The following CNTNAP2 variants were observed in gnomAD, a reference collection of about 807,000 sequenced individuals.
CNTNAP2 encodes the protein contactin-associated protein-like 2.
A neutral mutation model predicts 155.2 loss-of-function variants in CNTNAP2; 98 were observed. That is an observed-to-expected ratio of 0.63 (90% CI 0.54 to 0.75). The LOEUF (loss-of-function observed/expected upper bound fraction) is 0.75, where lower values mean the gene tolerates loss of function less well. Among genes scored for constraint, CNTNAP2 ranks in the 30% least tolerant of loss-of-function variants. The probability of loss-of-function intolerance (pLI) is 0.00; values close to 1 mark genes in which losing one functional copy is unlikely to be tolerated. For missense variants in CNTNAP2, 1,727 were observed against 1,688.1 expected (o/e 1.02, Z -0.40); for synonymous variants, 651 against 631.2 (o/e 1.03, Z -0.47).
chr7:147,207,527 A>C (rs1052617067), intron 8 of CNTNAP2, among the ~76,000 whole-genome samples: 1 of 152,170 alleles, frequency 6.6e-6, no homozygotes, highest in Non-Finnish European at 1.5e-5. Flanking sequence ...ACTTTATAGT[A>C]AAACTAAAGA....
chr7:147,470,786 A>G (rs1249597420), intron 10 of CNTNAP2, among the ~76,000 whole-genome samples: 1 of 152,090 alleles, frequency 6.6e-6, no homozygotes, highest in East Asian at 1.9e-4. Flanking sequence ...CTAACTGCAG[A>G]TGAGGTGGGG....
chr7:146,277,496 A>G (rs1195106756), intron 1 of CNTNAP2, among the ~76,000 whole-genome samples: 1 of 152,156 alleles, frequency 6.6e-6, no homozygotes, highest in African/African-American at 2.4e-5. Flanking sequence ...GACACATAGA[A>G]TTGGATCATA....
rs572235299 is a variant in CNTNAP2 at position 146,626,297 on chromosome 7, T to C, written c.98-147974T>C. ...TTAAGGCATTCAGTTGCTTAATTAA[T>C]GGTATTGAATTTTAAAAAATCTATT... is the stretch of plus-strand genomic sequence containing the variant. On this transcript the variant is annotated intron_variant, in intron 1 of 23. Transcript: ENST00000361727. Among the ~76,000 whole-genome samples, 201 of 152,274 alleles carry C rather than the reference T, an allele frequency of 1.3e-3. 1 individual carries two copies. The highest frequency in any genetic ancestry group is 1.3e-3 in the Non-Finnish European group (87 of 68,000).
chr7:147,677,070 AT>A (rs35432022), intron 13 of CNTNAP2, among the ~76,000 whole-genome samples: 127,891 of 148,110 alleles, frequency 0.86, 55,474 homozygotes, highest in East Asian at 0.99. Flanking sequence ...TGTTTCATTA[AT>A]TTTTTTTTTT....
intron 13 of CNTNAP2, among the ~76,000 whole-genome samples, chr7:147,662,319 A>C (rs961078189): frequency 6.6e-6 from 1 of 152,234 alleles, no homozygotes; most frequent in Admixed American, 6.5e-5. Flanking sequence ...GGAATCATTT[A>C]GACTATGATG....
chr7:147,444,279 T>G (rs935429299), intron 10 of CNTNAP2, among the ~76,000 whole-genome samples: 1 of 152,168 alleles, frequency 6.6e-6, no homozygotes, highest in Non-Finnish European at 1.5e-5. Context: ...CGTGGCAATT[T>G]GAGAACACAA....
chr7:148,158,222 C>CTATTTTTTTTT (rs1805441345), intron 17 of CNTNAP2, among the ~76,000 whole-genome samples: 2 of 94,800 alleles, frequency 2.1e-5, no homozygotes, highest in Non-Finnish European at 3.8e-5. Context: ...AATGTTTGCG[C>CTATTTTTTTTT]TTTTTTTTTT....
At chr7:147,302,441 C>T (rs562328260) in intron 9 of CNTNAP2, among the ~76,000 whole-genome samples, 1 of 152,166 alleles carries the variant, frequency 6.6e-6, no homozygotes, top group Non-Finnish European at 1.5e-5. Flanking sequence ...GCCCAGGAGT[C>T]AGGAGAATAT....
At chr7:147,751,782 A>T (rs1797139589) in intron 13 of CNTNAP2, among the ~76,000 whole-genome samples, 1 of 152,260 alleles carries the variant, frequency 6.6e-6, no homozygotes, top group Admixed American at 6.5e-5. Context: ...TACTACAAAA[A>T]TACTAAGAAA....
At chr7:147,219,000 G>A (rs1476269244) in intron 8 of CNTNAP2, among the ~76,000 whole-genome samples, 3 of 152,156 alleles carry the variant, frequency 2.0e-5, no homozygotes, top group East Asian at 3.9e-4. Context: ...AAACAGAAAT[G>A]TATTGGCTCA....
At chr7:146,219,119 AAT>A (rs1186949567) in intron 1 of CNTNAP2, among the ~76,000 whole-genome samples, 1 of 152,112 alleles carries the variant, frequency 6.6e-6, no homozygotes, top group Non-Finnish European at 1.5e-5. Context: ...GTTCAGGGGA[AAT>A]TGCCATTTAT....
At chr7:147,298,804 A>G (rs997849262) in intron 8 of CNTNAP2, among the ~76,000 whole-genome samples, 5 of 152,336 alleles carry the variant, frequency 3.3e-5, no homozygotes, top group Admixed American at 6.5e-5. Flanking sequence ...TATAATTTTC[A>G]CATGTCACTA....
intron 12 of CNTNAP2, among the ~76,000 whole-genome samples, chr7:147,566,438 G>A (rs1320836661): frequency 6.6e-6 from 1 of 151,856 alleles, no homozygotes; most frequent in African/African-American, 2.4e-5. Flanking sequence ...CCCTGAGTTC[G>A]TTCTCACACT....
chr7:146,347,611 C>G (rs1794838501), intron 1 of CNTNAP2, among the ~76,000 whole-genome samples: 1 of 152,212 alleles, frequency 6.6e-6, no homozygotes, highest in East Asian at 1.9e-4. Flanking sequence ...TGTCACCCAG[C>G]CTGGAGTGCA....
chr7:146,396,130 A>AT (rs1326585888), intron 1 of CNTNAP2, among the ~76,000 whole-genome samples: 2 of 152,176 alleles, frequency 1.3e-5, no homozygotes, highest in East Asian at 3.8e-4. Context: ...TACAGCATGT[A>AT]TTAAATAATA....
chr7:147,710,230 G>A (rs1796383247), intron 13 of CNTNAP2, among the ~76,000 whole-genome samples: 1 of 152,116 alleles, frequency 6.6e-6, no homozygotes, highest in Admixed American at 6.6e-5. Flanking sequence ...TGGAGAAATA[G>A]ATCTCCTAGG....
chr7:146,373,932 T>C (rs1405789582), intron 1 of CNTNAP2, among the ~76,000 whole-genome samples: 2 of 152,198 alleles, frequency 1.3e-5, no homozygotes, highest in Non-Finnish European at 2.9e-5. Context: ...TAAACAGGTT[T>C]GAGAATGTTT....
At chr7:146,920,403 T>C (rs1796477465) in intron 3 of CNTNAP2, among the ~76,000 whole-genome samples, 1 of 150,168 alleles carries the variant, frequency 6.7e-6, no homozygotes, top group Non-Finnish European at 1.5e-5. Context: ...AAGCCAAAAA[T>C]GAAACTCCAT....
intron 1 of CNTNAP2, among the ~76,000 whole-genome samples, chr7:146,135,572 T>G (rs1259105223): frequency 6.6e-6 from 1 of 152,074 alleles, no homozygotes; most frequent in Non-Finnish European, 1.5e-5. Flanking sequence ...TTTATGAAGT[T>G]TAAATAATAT....
Sources: gnomAD v4.1 joint callset for allele counts (sites outside exome capture counted in the v4.1 genomes callset) on GRCh38, gnomAD v4.1.1 for gene constraint, MANE v1.5 for transcripts, NCBI Gene and HGNC (gene_info 2026-07-23, HGNC 2026-07-21) for gene names.